Variants in PABIR3 observed in about 807,000 individuals in gnomAD.
PABIR3 encodes PABIR family member 3.
Under a neutral mutation model 23.1 loss-of-function variants are expected in PABIR3, and 20 were observed. The observed-to-expected ratio is 0.86, with a 90% CI of 0.61 to 1.26. The LOEUF is 1.26. PABIR3 is among the 50% of genes most tolerant of loss of function. The probability of loss-of-function intolerance (pLI) is 0.00; values close to 1 mark genes in which losing one functional copy is unlikely to be tolerated. For synonymous variants in PABIR3, 69 were observed against 68.5 expected, an observed-to-expected ratio of 1.01 and a Z score of -0.04; for missense variants, 189 against 195.4, an observed-to-expected ratio of 0.97 and a Z score of 0.20.
At chrX:134,829,418 C>T in intron 4 of PABIR3, 136 bp downstream of exon 4, 6 of 473,383 alleles carry the variant, frequency 1.3e-5, no homozygotes, top group Non-Finnish European at 1.6e-5. Context: ...GGAATGATTT[C>T]TTCAAAAAAA....
At chrX:134,860,012 A>G in the PABIR3 span, among the ~76,000 whole-genome samples, 1 of 111,651 alleles carries the variant, frequency 9.0e-6, no homozygotes, top group Non-Finnish European at 1.9e-5. Flanking sequence ...ATTAAACTCT[A>G]TAAGAGTGGG....
chrX:134,849,887 T>TTTTTTTTTTTTTTTTTTTC (rs1556344204), intron 9 of PABIR3, among the ~76,000 whole-genome samples: 1 of 90,295 alleles, frequency 1.1e-5, no homozygotes, highest in African/African-American at 4.2e-5. Context: ...TTTTTTTTTT[T>TTTTTTTTTTTTTTTTTTTC]CTTGAGACAG....
intron 9 of PABIR3, among the ~76,000 whole-genome samples, chrX:134,850,746 A>G (rs2082604472): frequency 8.9e-6 from 1 of 112,232 alleles, no homozygotes; most frequent in Non-Finnish European, 1.9e-5. Flanking sequence ...AACATAAAAG[A>G]TGTAGTTTCT....
At chrX:134,831,431 C>A (rs2081773091) in intron 4 of PABIR3, among the ~76,000 whole-genome samples, 1 of 111,418 alleles carries the variant, frequency 9.0e-6, no homozygotes, top group African/African-American at 3.3e-5. Context: ...TAAACTTAAC[C>A]TTTTAAGTGC....
chrX:134,821,955 C>A (rs1199463657), intron 3 of PABIR3: 2 of 759,339 alleles, frequency 2.6e-6, no homozygotes, highest in African/African-American at 4.6e-5. Context: ...AATGTCTTTA[C>A]AATATGAATT....
chrX:134,837,044 A>T (rs1167649562), intron 4 of PABIR3, among the ~76,000 whole-genome samples: 2 of 111,030 alleles, frequency 1.8e-5, no homozygotes, highest in Non-Finnish European at 3.8e-5. Flanking sequence ...TCTTTAAAAA[A>T]ATTTTTTTTT....
In PABIR3 at chrX:134,799,155, C is replaced by G. The variant is rs189177348; in HGVS notation, c.-98+2291C>G. Reference sequence around the variant, plus strand: ...TTAGACATATTTTTTAAAAGCCAAGCGTACAGAATTAAGTTATATTAGAGG... The same window carrying G: ...TTAGACATATTTTTTAAAAGCCAAGGGTACAGAATTAAGTTATATTAGAGG... On this transcript the variant is annotated intron_variant, in intron 1 of 4. Coordinates refer to the PABIR3 transcript ENST00000414371. 6.0e-3 allele frequency among the ~76,000 whole-genome samples: 670 copies of G among 111,022 alleles called. 11 individuals are homozygous for G. Among genetic ancestry groups the G allele is most frequent in the African/African-American group, 0.021 (632 of 30,534 alleles).
chrX:134,845,531 CATAA>C, intron 6 of PABIR3, 130 bp downstream of exon 6: 1 of 563,990 alleles, frequency 1.8e-6, no homozygotes, highest in Non-Finnish European at 2.8e-6. Context: ...GTATCTGTTG[CATAA>C]ATAATTTTTG....
At chrX:134,823,194 T>C in intron 3 of PABIR3, among the ~76,000 whole-genome samples, 1 of 111,178 alleles carries the variant, frequency 9.0e-6, no homozygotes, top group Non-Finnish European at 1.9e-5. Flanking sequence ...TGTTTACCTA[T>C]GTAACAAACC....
intron 4 of PABIR3, among the ~76,000 whole-genome samples, chrX:134,842,714 A>C (rs1354237606): frequency 1.8e-5 from 2 of 110,187 alleles, no homozygotes; most frequent in Non-Finnish European, 3.8e-5. Context: ...CCTGGCCAAC[A>C]CGGTGAAACC....
chrX:134,849,505 T>G (rs908492625), intron 9 of PABIR3, among the ~76,000 whole-genome samples: 1 of 111,660 alleles, frequency 9.0e-6, no homozygotes, highest in African/African-American at 3.2e-5. Flanking sequence ...CTATCTTCAT[T>G]ACTTTCTAAA....
chrX:134,847,158 C>A lies in PABIR3; in HGVS notation c.346-225C>A, dbSNP rs1377298681. ...AGGACTTTCTGGCATGCTGGGAAGC[C>A]CCTCAATCACCATATAGCCCTCATC... On this transcript the variant is annotated intron_variant, in intron 6 of 10. Coordinates refer to ENST00000645433, the MANE Select transcript of PABIR3 (RefSeq NM_001388447.1). Among the ~76,000 whole-genome samples the A allele has an allele frequency of 3.6e-5, 4 of 111,478 alleles. No homozygotes were observed. In the Admixed American group the frequency reaches 3.8e-4, roughly 11 times the overall value.
intron 2 of PABIR3, chrX:134,810,293 TTTTG>T (rs2080572942): frequency 1.3e-5 from 10 of 752,855 alleles, no homozygotes; most frequent in African/African-American, 9.2e-5. Flanking sequence ...GATTTTTTTG[TTTTG>T]TTTGTTTGTT....
the PABIR3 span, among the ~76,000 whole-genome samples, chrX:134,860,571 C>A: frequency 2.7e-5 from 3 of 111,378 alleles, no homozygotes; most frequent in African/African-American, 9.8e-5. Context: ...AAAAGTGCAT[C>A]TCTTTGGGGA....
intron 4 of PABIR3, among the ~76,000 whole-genome samples, chrX:134,830,216 T>A (rs1316315950): frequency 4.5e-5 from 5 of 110,283 alleles, no homozygotes; most frequent in Non-Finnish European, 9.5e-5. Flanking sequence ...TAGTTATTAG[T>A]CCTCCAACTC....
At chrX:134,821,359 G>A (rs1226436099) in intron 3 of PABIR3, 2 of 1,147,743 alleles carry the variant, frequency 1.7e-6, no homozygotes, top group Admixed American at 2.7e-5. Context: ...TTGAACAGAA[G>A]CCCAAAGACC....
chrX:134,825,838 T>G (rs113296771), intron 3 of PABIR3, among the ~76,000 whole-genome samples: 6 of 102,703 alleles, frequency 5.8e-5, no homozygotes, highest in African/African-American at 2.1e-4. Flanking sequence ...CTTTTTTTTT[T>G]TTTTTTTTTT....
At chrX:134,822,749 C>T (rs1214926427) in intron 3 of PABIR3, 34 of 482,429 alleles carry the variant, frequency 7.0e-5, no homozygotes, top group Non-Finnish European at 8.7e-5. Flanking sequence ...AAGGAAACAA[C>T]AGACACTAGG....
chrX:134,809,847 G>A (rs1471930539), intron 2 of PABIR3: 1 of 752,205 alleles, frequency 1.3e-6, no homozygotes, highest in Non-Finnish European at 1.6e-6. Flanking sequence ...CAGCTTTTGG[G>A]TCATTTGAGG....
Sources: allele counts gnomAD v4.1 joint callset (sites outside exome capture counted in the v4.1 genomes callset), GRCh38; gene constraint gnomAD v4.1.1; transcripts MANE v1.5; gene names NCBI Gene and HGNC (gene_info 2026-07-23, HGNC 2026-07-21).